The following UACA variants were observed in gnomAD, a reference collection of about 807,000 sequenced individuals.
UACA encodes uveal autoantigen with coiled-coil domains and ankyrin repeats.
UACA carries 112 observed loss-of-function variants against 160.5 expected under a neutral mutation model. That is an observed-to-expected ratio of 0.70 (90% CI 0.60 to 0.82). The LOEUF (loss-of-function observed/expected upper bound fraction) is 0.82. Ranked by LOEUF, UACA falls within the 40% of genes least tolerant of loss-of-function variation. The probability of loss-of-function intolerance (pLI) is 0.00; values close to 1 mark genes in which losing one functional copy is unlikely to be tolerated. For missense variants in UACA, 1,574 were observed against 1,614.6 expected (o/e 0.97, Z 0.43); for synonymous variants, 557 against 568.4 (o/e 0.98, Z 0.29).
chr15:70,767,523 G>A (rs1006579203), upstream of UACA, among the ~76,000 whole-genome samples: 2 of 151,862 alleles, frequency 1.3e-5, no homozygotes, highest in East Asian at 3.9e-4. Context: ...AGGAGGCAGA[G>A]GTTGCAGCGA....
chr15:70,740,296 CATAT>C (rs1231701940), intron 1 of UACA, among the ~76,000 whole-genome samples: 3 of 151,976 alleles, frequency 2.0e-5, no homozygotes, highest in Non-Finnish European at 2.9e-5. Flanking sequence ...CAAGTAAAGT[CATAT>C]ATACAAGAAC....
chr15:70,767,654 T>A (rs2031049920), upstream of UACA, among the ~76,000 whole-genome samples: 1 of 152,036 alleles, frequency 6.6e-6, no homozygotes, highest in African/African-American at 2.4e-5. Flanking sequence ...TTTTCAAACA[T>A]AAAGATCTCC....
At chr15:70,718,439 T>C (rs1898893615) in intron 1 of UACA, among the ~76,000 whole-genome samples, 1 of 149,974 alleles carries the variant, frequency 6.7e-6, no homozygotes, top group Admixed American at 6.7e-5. Flanking sequence ...GCCAATAGAA[T>C]GTGAATAGAA....
At chr15:70,682,512 G>A (rs947203385) in intron 9 of UACA, among the ~76,000 whole-genome samples, 6 of 152,056 alleles carry the variant, frequency 3.9e-5, no homozygotes, top group African/African-American at 1.4e-4. Context: ...CCCTAATCAG[G>A]AGGCTATCTC....
intron 12 of UACA, 152 bp downstream of exon 12, chr15:70,676,956 C>T: frequency 1.7e-6 from 1 of 591,386 alleles, no homozygotes; most frequent in Non-Finnish European, 2.9e-6. Context: ...TCAAAACATC[C>T]TTTTTTAGTC....
At chr15:70,727,800 T>A (rs1238127793) in intron 1 of UACA, among the ~76,000 whole-genome samples, 1 of 152,236 alleles carries the variant, frequency 6.6e-6, no homozygotes, top group Non-Finnish European at 1.5e-5. Flanking sequence ...TTCAAACCTT[T>A]CTAATTTTAA....
At chr15:70,749,698 C>CAAAAAAAAAAAAAAAAAAAAA (rs11292883) in intron 1 of UACA, among the ~76,000 whole-genome samples, 10 of 70,044 alleles carry the variant, frequency 1.4e-4, no homozygotes, top group African/African-American at 5.2e-4. Context: ...GACTCCGTCT[C>CAAAAAAAAAAAAAAAAAAAAA]AAAAAAAAAA....
intron 5 of UACA, 110 bp downstream of exon 5, chr15:70,690,344 C>A (rs892096082): frequency 1.0e-6 from 1 of 998,790 alleles, no homozygotes; most frequent in Admixed American, 2.6e-5. Flanking sequence ...TTTTAATATT[C>A]TTTGTTTCTC....
intron 1 of UACA, among the ~76,000 whole-genome samples, chr15:70,760,055 A>C (rs1840788829): frequency 6.6e-6 from 1 of 152,348 alleles, no homozygotes; most frequent in South Asian, 2.1e-4. Flanking sequence ...TTATGAAATA[A>C]ACATTTTAAA....
At chr15:70,738,096 T>A (rs1022256157) in intron 1 of UACA, among the ~76,000 whole-genome samples, 8 of 152,208 alleles carry the variant, frequency 5.3e-5, no homozygotes, top group African/African-American at 1.9e-4. Flanking sequence ...ACTTTTCTAT[T>A]TTATTATTTC....
rs186128853 is a variant in UACA at position 70,745,767 on chromosome 15, T to C, written c.78+17563A>G. Among the ~76,000 whole-genome samples the C allele has an allele frequency of 2.9e-4, 44 of 152,232 alleles. 1 individual carries two copies. The highest frequency in any genetic ancestry group is 1.9e-3 in the Admixed American group (29 of 15,294). ...CGGTACTGGTACCAAAACAGGTATA[T>C]AGACCAATGGAACAGAACAGAGGCC... On this transcript the variant is annotated intron_variant, in intron 1 of 18. Coordinates refer to ENST00000322954, the MANE Select transcript of UACA (RefSeq NM_018003.4).
chr15:70,689,211 T>C (rs1421022248), intron 5 of UACA, among the ~76,000 whole-genome samples: 2 of 152,166 alleles, frequency 1.3e-5, no homozygotes, highest in Admixed American at 1.3e-4. Context: ...AGAAACAAGA[T>C]AGAAAGAATT....
chr15:70,707,744 C>T (rs965964769), intron 1 of UACA, among the ~76,000 whole-genome samples: 6 of 151,756 alleles, frequency 4.0e-5, no homozygotes, highest in Admixed American at 3.9e-4. Context: ...ATTACGAATG[C>T]TAACATCCCA....
At chr15:70,728,688 A>C (rs192118904) in intron 1 of UACA, among the ~76,000 whole-genome samples, 1 of 152,174 alleles carries the variant, frequency 6.6e-6, no homozygotes, top group Non-Finnish European at 1.5e-5. Flanking sequence ...CGAAAATTGA[A>C]AAGTGGGACC....
chr15:70,726,358 T>C (rs1434209078), intron 1 of UACA, among the ~76,000 whole-genome samples: 2 of 152,168 alleles, frequency 1.3e-5, no homozygotes, highest in Admixed American at 6.5e-5. Context: ...ACAAGATGTA[T>C]ATCTGAGCAG....
Position 70,694,068 on chromosome 15 carries a change from G to A in UACA, c.301+949C>T, listed in dbSNP as rs191250892. Among the ~76,000 whole-genome samples, 12 of 152,090 alleles carry A rather than the reference G, an allele frequency of 7.9e-5. No individual in the cohort carries two copies. The East Asian group carries it at 1.9e-3, about 24-fold the overall frequency. On this transcript the variant is annotated intron_variant, in intron 3 of 18. Coordinates refer to ENST00000322954, the MANE Select transcript of UACA (RefSeq NM_018003.4). ...TAATGTATTTATTTGCCCCTACATGGAATCACAGGATAAAAAACTGTAAAA... is the reference window on the plus strand; with the variant it reads ...TAATGTATTTATTTGCCCCTACATGAAATCACAGGATAAAAAACTGTAAAA...
chr15:70,672,092 TA>T, intron 13 of UACA, 91 bp from the exon 14 acceptor site: 1 of 1,112,914 alleles, frequency 9.0e-7, no homozygotes, highest in Non-Finnish European at 1.3e-6. Flanking sequence ...ATGCAGTCAT[TA>T]AAACTACATT....
intron 1 of UACA, among the ~76,000 whole-genome samples, chr15:70,700,930 G>A (rs1898335664): frequency 6.6e-6 from 1 of 151,844 alleles, no homozygotes; most frequent in African/African-American, 2.4e-5. Flanking sequence ...CTACATGTTT[G>A]ATCAATATAA....
intron 1 of UACA, among the ~76,000 whole-genome samples, chr15:70,744,954 A>T (rs1899655906): frequency 6.6e-6 from 1 of 152,160 alleles, no homozygotes. Context: ...CATCAAATAC[A>T]CAAGTGTAAT....
Sources: allele counts gnomAD v4.1 joint callset (sites outside exome capture counted in the v4.1 genomes callset), GRCh38; gene constraint gnomAD v4.1.1; transcripts MANE v1.5; gene names NCBI Gene and HGNC (gene_info 2026-07-23, HGNC 2026-07-21).